Variants in NEXMIF observed in about 807,000 individuals in gnomAD.
NEXMIF encodes XLMR protein related to neurite extension.
A neutral mutation model predicts 62.1 loss-of-function variants in NEXMIF; 8 were observed. That is an observed-to-expected ratio of 0.13 (90% confidence interval 0.08 to 0.23). The LOEUF is 0.23. Among genes scored for constraint, NEXMIF ranks in the 10% least tolerant of loss-of-function variants. The pLI is 1.00. For missense variants in NEXMIF, 976 were observed against 1,113.3 expected, an observed-to-expected ratio of 0.88 and a Z score of 1.75; for synonymous variants, 404 against 416.6, an observed-to-expected ratio of 0.97 and a Z score of 0.37.
intron 1 of NEXMIF, among the ~76,000 whole-genome samples, chrX:74,851,178 T>C (rs2080512155): frequency 9.0e-6 from 1 of 111,099 alleles, no homozygotes; most frequent in Admixed American, 9.6e-5. Flanking sequence ...TCAAATTTTT[T>C]TTAAAGAAAT....
chrX:74,886,078 G>A (rs2080691509), intron 1 of NEXMIF, among the ~76,000 whole-genome samples: 1 of 111,763 alleles, frequency 8.9e-6, no homozygotes, highest in Non-Finnish European at 1.9e-5. Flanking sequence ...TGCAGAAAAG[G>A]CCTTTGACAA....
chrX:74,780,670 C>T (rs908841111), intron 1 of NEXMIF, among the ~76,000 whole-genome samples: 7 of 111,604 alleles, frequency 6.3e-5, no homozygotes, highest in African/African-American at 2.3e-4. Flanking sequence ...AGCCACTGCG[C>T]CTAGCCCCAT....
chrX:74,779,455 G>A (rs2080239077), intron 1 of NEXMIF, among the ~76,000 whole-genome samples: 1 of 111,838 alleles, frequency 8.9e-6, no homozygotes, highest in Non-Finnish European at 1.9e-5. Flanking sequence ...AACTCACAAT[G>A]AGTCACCACT....
chrX:74,920,290 G>A (rs1169475649), intron 1 of NEXMIF, among the ~76,000 whole-genome samples: 2 of 111,186 alleles, frequency 1.8e-5, no homozygotes, highest in Admixed American at 1.9e-4. Flanking sequence ...AGCACCTGTT[G>A]TTTCCTGACT....
At chrX:74,874,554 A>C (rs2147506903) in intron 1 of NEXMIF, among the ~76,000 whole-genome samples, 1 of 101,767 alleles carries the variant, frequency 9.8e-6, no homozygotes, top group African/African-American at 3.6e-5. Flanking sequence ...CTTGATGGGG[A>C]TGGCATTGAA....
At chrX:74,827,524 G>T (rs904407185) in intron 1 of NEXMIF, among the ~76,000 whole-genome samples, 2 of 112,272 alleles carry the variant, frequency 1.8e-5, no homozygotes, top group Non-Finnish European at 3.8e-5. Context: ...TGATGCCTTA[G>T]TTTCATTGCC....
At chrX:74,838,846 G>T (rs951711388) in intron 1 of NEXMIF, among the ~76,000 whole-genome samples, 1 of 111,666 alleles carries the variant, frequency 9.0e-6, no homozygotes, top group African/African-American at 3.3e-5. Context: ...CATAGAATGA[G>T]AAAAATATAT....
intron 1 of NEXMIF, among the ~76,000 whole-genome samples, chrX:74,792,162 C>G (rs1371285276): frequency 9.0e-6 from 1 of 110,956 alleles, no homozygotes; most frequent in Non-Finnish European, 1.9e-5. Context: ...CCCAGAGATT[C>G]TGGTATGTTG....
At chrX:74,804,831 C>T (rs1006040586) in intron 1 of NEXMIF, among the ~76,000 whole-genome samples, 2 of 111,845 alleles carry the variant, frequency 1.8e-5, no homozygotes, top group Admixed American at 9.5e-5. Flanking sequence ...TGTTGCAGTC[C>T]TTGTGACCTA....
At chrX:74,919,633 T>C (rs12008245) in intron 1 of NEXMIF, among the ~76,000 whole-genome samples, 1,350 of 111,148 alleles carry the variant, frequency 0.012, 22 homozygotes, top group African/African-American at 0.043. Context: ...TTTTTTTTTA[T>C]TATTATTATA....
intron 1 of NEXMIF, among the ~76,000 whole-genome samples, chrX:74,816,769 G>C (rs2080377433): frequency 8.9e-6 from 1 of 111,810 alleles, no homozygotes; most frequent in African/African-American, 3.2e-5. Flanking sequence ...GGGATGACAG[G>C]AAAATACCCC....
chrX:74,767,805 C>T (rs910379122), intron 1 of NEXMIF, among the ~76,000 whole-genome samples: 7 of 112,499 alleles, frequency 6.2e-5, no homozygotes, highest in Non-Finnish European at 9.4e-5. Context: ...GTAGCTTGCC[C>T]TCCCTCTGGG....
At chrX:74,878,590 C>G (rs1353009777) in intron 1 of NEXMIF, among the ~76,000 whole-genome samples, 2 of 112,709 alleles carry the variant, frequency 1.8e-5, no homozygotes, top group Non-Finnish European at 3.8e-5. Context: ...CCCCCAGCCT[C>G]GCTGCCACCT....
At position 74,819,856 on chromosome X, in the gene NEXMIF, T is replaced by C. The variant is rs1018705242; in HGVS notation, c.-47-74159A>G. Among the ~76,000 whole-genome samples, 4 of 112,136 alleles carry C rather than the reference T, an allele frequency of 3.6e-5. No individual in the cohort carries two copies. In the Admixed American group the frequency reaches 3.8e-4, roughly 11 times the overall value. The stretch of plus-strand genomic sequence containing the variant: ...TACTGGGTATATACCCAAAGGATTA[T>C]AAATCATGCTACTATAAAGACACAT... On this transcript the variant is annotated intron_variant, in intron 1 of 3. Coordinates refer to ENST00000055682, the MANE Select transcript of NEXMIF (RefSeq NM_001008537.3).
chrX:74,762,413 A>G (rs1442197320), intron 1 of NEXMIF, among the ~76,000 whole-genome samples: 2 of 111,464 alleles, frequency 1.8e-5, no homozygotes, highest in East Asian at 5.6e-4. Context: ...GAATAGTGCC[A>G]CAATAAACAT....
intron 1 of NEXMIF, among the ~76,000 whole-genome samples, chrX:74,896,259 C>T (rs1435874217): frequency 8.9e-6 from 1 of 111,833 alleles, no homozygotes; most frequent in Non-Finnish European, 1.9e-5. Flanking sequence ...GCTCTCAGCC[C>T]CTTTGCTGCC....
At chrX:74,781,526 T>C (rs923648513) in intron 1 of NEXMIF, among the ~76,000 whole-genome samples, 2 of 112,468 alleles carry the variant, frequency 1.8e-5, no homozygotes, top group African/African-American at 6.5e-5. Context: ...TAGGTGTATG[T>C]GAAATTTATA....
At chrX:74,865,387 G>C (rs952321071) in intron 1 of NEXMIF, among the ~76,000 whole-genome samples, 1 of 111,850 alleles carries the variant, frequency 8.9e-6, no homozygotes, top group African/African-American at 3.3e-5. Flanking sequence ...CTTTGAACTT[G>C]AGAGAGATAA....
At chrX:74,901,587 T>TCACA (rs75878720) in intron 1 of NEXMIF, among the ~76,000 whole-genome samples, 16,148 of 111,278 alleles carry the variant, frequency 0.15, 1,767 homozygotes, top group East Asian at 0.91. Flanking sequence ...AATTTACTAC[T>TCACA]GAGGCATGCG....
Sources: gnomAD v4.1 joint callset for allele counts (sites outside exome capture counted in the v4.1 genomes callset) on GRCh38, gnomAD v4.1.1 for gene constraint, MANE v1.5 for transcripts, NCBI Gene and HGNC (gene_info 2026-07-23, HGNC 2026-07-21) for gene names.